The following UBE2B variants were observed in gnomAD, a reference collection of about 807,000 sequenced individuals.
The protein encoded by UBE2B is ubiquitin conjugating enzyme E2 B.
UBE2B carries 11 observed loss-of-function variants against 24.6 expected under a neutral mutation model. The ratio of observed to expected loss-of-function variants is 0.45; its 90% CI spans 0.28 to 0.74. The LOEUF is 0.74. Among genes scored for constraint, UBE2B ranks in the 30% least tolerant of loss-of-function variants. The pLI is 0.13. For synonymous variants in UBE2B, 68 were observed against 62.4 expected, an observed-to-expected ratio of 1.09 and a Z score of -0.42; for missense variants, 78 against 185.6, an observed-to-expected ratio of 0.42 and a Z score of 3.37.
rs1483405295 is a variant in UBE2B at position 134,391,792 on chromosome 5, T to C, written c.*1439T>C. The C allele has an allele frequency of 6.6e-6, 1 of 152,280 alleles. No homozygotes were observed. Among genetic ancestry groups the C allele is most frequent in the East Asian group, 1.9e-4 (1 of 5,178 alleles). The allele number at this position is 152,280 out of a possible 1,614,324, so 9.4% of individuals were successfully genotyped here. ...AGCCAGGGCAACATAATAAGACTTT[T>C]CTCTACTTTAAATTTTTTAAAAAAT... On this transcript the variant is annotated 3_prime_UTR_variant, in exon 6 of 6. Coordinates refer to ENST00000265339, the MANE Select transcript of UBE2B (RefSeq NM_003337.4).
chr5:134,387,004 G>C (rs1397662728), intron 4 of UBE2B, among the ~76,000 whole-genome samples: 1 of 151,046 alleles, frequency 6.6e-6, no homozygotes, highest in South Asian at 2.1e-4. Context: ...CTGTCGCCCA[G>C]GCTGGAGTGC....
chr5:134,372,158 C>T (rs901912879), intron 1 of UBE2B, among the ~76,000 whole-genome samples: 1 of 152,172 alleles, frequency 6.6e-6, no homozygotes, highest in South Asian at 2.1e-4. Flanking sequence ...GCGTGAGGCC[C>T]GGAGGTTAAC....
At position 134,371,617 on chromosome 5, in the gene UBE2B, A is replaced by G; in HGVS notation, c.22A>G (p.Arg8Gly). Reference protein sequence around the residue: MSTPARRRLMRDFKRLQE... With the variant: MSTPARRGLMRDFKRLQE... ...GAGCATGTCGACCCCGGCCCGGAGG[A>G]GGCTCATGCGGGATTTCAAGCGGTA... is the stretch of plus-strand genomic sequence containing the variant. Residue 8 changes from arginine (R) to glycine (G), a missense_variant, in exon 1 of 6, where the codon AGG becomes GGG. This residue lies in a region of UBE2B where 21 missense variants were observed against 17.9 expected (regional missense o/e 1.17). Transcript: ENST00000265339. The G allele has an allele frequency of 6.2e-7, 1 of 1,611,300 alleles. No homozygotes were observed. Among genetic ancestry groups the G allele is most frequent in the Non-Finnish European group, 8.5e-7 (1 of 1,179,472 alleles).
chr5:134,391,391 CTG>C lies in UBE2B; in HGVS notation c.*1039_*1040del, dbSNP rs1758894587. On this transcript the variant is annotated 3_prime_UTR_variant, in exon 6 of 6. Coordinates refer to ENST00000265339, the MANE Select transcript of UBE2B (RefSeq NM_003337.4). The stretch of plus-strand genomic sequence containing the variant: ...TTGTGGAGATTTTTTTTTTAATCTC[CTG>C]AGTTGTATAAAAGTTGTACTGCATC... 6.6e-6 allele frequency: 1 copy of C among 152,104 alleles called. No individual in the cohort carries two copies. Among genetic ancestry groups the C allele is most frequent in the Non-Finnish European group, 1.5e-5 (1 of 67,970 alleles). 9.4% of individuals were successfully genotyped at this position (152,104 alleles called of 1,614,324 possible). A position where few individuals can be genotyped will look rare whatever the true frequency, so the allele number is the denominator to read the frequency against.
At chr5:134,378,975 G>C (rs1156932011) in intron 3 of UBE2B, among the ~76,000 whole-genome samples, 1 of 151,740 alleles carries the variant, frequency 6.6e-6, no homozygotes. Flanking sequence ...GGGTTGTTAG[G>C]TTAAGGATAG....
At chr5:134,376,088 C>G (rs912082428) in intron 2 of UBE2B, among the ~76,000 whole-genome samples, 1 of 150,840 alleles carries the variant, frequency 6.6e-6, no homozygotes, top group African/African-American at 2.4e-5. Context: ...AATCCCAGCA[C>G]TTTGGGAGGC....
rs774376222 is a variant in UBE2B, at chr5:134,380,791, A to G, written c.224A>G (p.Lys75Arg). The change falls in exon 4 of 6, where the codon AAA becomes AGA. Residue 75 changes from lysine (K) to arginine (R), a missense_variant. By Grantham distance (26) the Lys-to-Arg change is conservative (BLOSUM62 2). This residue lies in a region of UBE2B where 57 missense variants were observed against 167.7 expected (regional missense o/e 0.34). Transcript: ENST00000265339. ...CCACCAACTGTTAGGTTTTTATCCA[A>G]AATGTTTCATCCAAATGGTAAGTAG... ...NKPPTVRFLS[K>R]MFHPNVYADG... 2 of 1,594,104 alleles carry G rather than the reference A, an allele frequency of 1.3e-6. No homozygotes were observed. Among genetic ancestry groups the G allele is most frequent in the South Asian group, 1.1e-5 (1 of 90,470 alleles).
intron 3 of UBE2B, 33 bp downstream of exon 3, chr5:134,376,727 T>G: frequency 1.9e-6 from 3 of 1,582,958 alleles, no homozygotes; most frequent in Non-Finnish European, 2.6e-6. Flanking sequence ...TCTATAGTGT[T>G]ATGAGGTTAC....
intron 3 of UBE2B, 47 bp from the exon 4 acceptor site, chr5:134,380,672 A>G (rs1401507944): frequency 3.3e-5 from 37 of 1,134,376 alleles, no homozygotes; most frequent in Non-Finnish European, 4.7e-5. Context: ...TGAAGAGATT[A>G]AAAAGTCGTG....
intron 4 of UBE2B, among the ~76,000 whole-genome samples, chr5:134,386,184 G>C (rs1427115929): frequency 6.9e-6 from 1 of 144,684 alleles, no homozygotes; most frequent in Non-Finnish European, 1.5e-5. Flanking sequence ...AAAATTAGCT[G>C]GGTCGTGGTT....
At chr5:134,380,688 C>G (rs1561681018) in intron 3 of UBE2B, 31 bp from the exon 4 acceptor site, 1 of 1,307,198 alleles carries the variant, frequency 7.6e-7, no homozygotes, top group Admixed American at 1.8e-5. Context: ...TCGTGCTTGT[C>G]TTTACTATAA....
chr5:134,374,508 T>A (rs1758565427), intron 2 of UBE2B, 45 bp downstream of exon 2: 1 of 1,538,890 alleles, frequency 6.5e-7, no homozygotes, highest in Admixed American at 2.0e-5. Flanking sequence ...GCTGAATCTT[T>A]AAGAAAAGTA....
At chr5:134,376,362 T>TATATATATATATATATATATATAC (rs1183340869) in intron 2 of UBE2B, among the ~76,000 whole-genome samples, 7 of 89,476 alleles carry the variant, frequency 7.8e-5, no homozygotes, top group Admixed American at 1.4e-4. Flanking sequence ...TATATATATA[T>TATATATATATATATATATATATAC]ATACACATAT....
chr5:134,387,021 G>A (rs933372975), intron 4 of UBE2B, among the ~76,000 whole-genome samples: 11 of 149,570 alleles, frequency 7.4e-5, no homozygotes, highest in Admixed American at 5.4e-4. Context: ...GTGCAGTGGC[G>A]TGATCTGAGC....
intron 2 of UBE2B, among the ~76,000 whole-genome samples, chr5:134,375,177 C>T (rs1199475945): frequency 1.3e-5 from 2 of 152,292 alleles, no homozygotes; most frequent in East Asian, 3.9e-4. Context: ...ATATTAAGAA[C>T]TTCCACTGTG....
At chr5:134,378,215 T>C (rs1255134294) in intron 3 of UBE2B, among the ~76,000 whole-genome samples, 2 of 152,114 alleles carry the variant, frequency 1.3e-5, no homozygotes, top group Admixed American at 6.5e-5. Context: ...TAAAGACATT[T>C]TTATTAGTAT....
intron 3 of UBE2B, 136 bp downstream of exon 3, chr5:134,376,830 A>G: frequency 2.6e-6 from 2 of 783,368 alleles, no homozygotes; most frequent in Non-Finnish European, 4.0e-6. Flanking sequence ...TGGAAAATTT[A>G]TACTTCATAA....
chr5:134,388,396 A>G lies in UBE2B; in HGVS notation c.313A>G (p.Ile105Val), dbSNP rs1758840913. The change falls in exon 5 of 6, where the codon ATC (isoleucine) becomes GTC (valine). Residue 105 changes from isoleucine (I) to valine (V), a missense_variant. Ile to Val is a conservative substitution (Grantham distance 29). Coordinates refer to ENST00000265339, the MANE Select transcript of UBE2B (RefSeq NM_003337.4). The part of the protein sequence containing the change: ...RWSPTYDVSS[I>V]LTSIQSLLDE... ...GAGTCCAACATATGATGTATCTTCTATCTTAACATCAATTCAGGTAAGTGT... is the reference window on the plus strand; with the variant it reads ...GAGTCCAACATATGATGTATCTTCTGTCTTAACATCAATTCAGGTAAGTGT... The G allele has an allele frequency of 2.5e-6, 4 of 1,613,860 alleles. No homozygotes were observed. Among genetic ancestry groups the G allele is most frequent in the Non-Finnish European group, 3.4e-6 (4 of 1,179,714 alleles).
chr5:134,379,819 A>G (rs1400808574), intron 3 of UBE2B, among the ~76,000 whole-genome samples: 1 of 152,194 alleles, frequency 6.6e-6, no homozygotes, highest in Non-Finnish European at 1.5e-5. Context: ...CATTAAAGAG[A>G]CAGTTGCAAA....
Sources: allele counts gnomAD v4.1 joint callset (sites outside exome capture counted in the v4.1 genomes callset), GRCh38; gene constraint gnomAD v4.1.1; regional missense constraint gnomAD v4.1.1; transcripts MANE v1.5; gene names NCBI Gene and HGNC (gene_info 2026-07-23, HGNC 2026-07-21).